Variants in PSG1 observed in about 807,000 individuals in gnomAD.
The protein encoded by PSG1 is pregnancy-specific beta-1-glycoprotein 1.
PSG1 carries 60 observed loss-of-function variants against 41.4 expected under a neutral mutation model. The ratio of observed to expected loss-of-function variants is 1.45; its 90% CI spans 1.18 to 1.80. The LOEUF (loss-of-function observed/expected upper bound fraction) is 1.80. Among genes scored for constraint, PSG1 ranks in the 40% most tolerant of loss-of-function variants. The probability of loss-of-function intolerance (pLI) is 0.00; values close to 1 mark genes in which losing one functional copy is unlikely to be tolerated. For missense variants in PSG1, 806 were observed against 516.9 expected (o/e 1.56, Z -5.42); for synonymous variants, 256 against 192.9 (o/e 1.33, Z -2.71).
At chr19:42,879,023 A>T (rs1257109978) in intron 1 of PSG1, among the ~76,000 whole-genome samples, 6 of 151,706 alleles carry the variant, frequency 4.0e-5, no homozygotes, top group Non-Finnish European at 7.4e-5. Context: ...TCAGGAAAAC[A>T]GAACACTTAA....
Position 42,871,104 on chromosome 19 carries a change from T to G in PSG1, c.709+663A>C, listed in dbSNP as rs1971363094. On this transcript the variant is annotated intron_variant, in intron 3 of 5. Coordinates refer to ENST00000436291, the MANE Select transcript of PSG1 (RefSeq NM_001184825.2). ...TATTGCCAATGCTCCAGGGATCCACTTACCAGGGACTATGATCCTCTTGAT... is the reference window on the plus strand; with the variant it reads ...TATTGCCAATGCTCCAGGGATCCACGTACCAGGGACTATGATCCTCTTGAT... Among the ~76,000 whole-genome samples, 3 of 151,780 alleles carry G rather than the reference T, an allele frequency of 2.0e-5. No homozygotes were observed. In the South Asian group the frequency reaches 6.3e-4, roughly 32 times the overall value.
chr19:42,873,820 T>A lies in PSG1; in HGVS notation c.431-1775A>T, dbSNP rs1971492119. On this transcript the variant is annotated intron_variant, in intron 2 of 5. Transcript: ENST00000436291. Reference sequence around the variant, plus strand: ...TAGAAAGAACTCCCTGCTTCTAAATTCTGTGCAGAGTTAGGAAAAATGGGG... The same window carrying A: ...TAGAAAGAACTCCCTGCTTCTAAATACTGTGCAGAGTTAGGAAAAATGGGG... Among the ~76,000 whole-genome samples, 2 of 151,644 alleles carry A rather than the reference T, an allele frequency of 1.3e-5. 1 individual carries two copies. Among genetic ancestry groups the A allele is most frequent in the South Asian group, 4.2e-4 (2 of 4,770 alleles).
intron 4 of PSG1, among the ~76,000 whole-genome samples, 199 bp downstream of exon 4, chr19:42,868,557 T>G (rs10409273): frequency 0.13 from 19,053 of 149,924 alleles, 1,595 homozygotes; most frequent in Admixed American, 0.17. Context: ...TCTCCCATGA[T>G]AAGAGCATCC....
intron 3 of PSG1, 66 bp from the exon 4 acceptor site, chr19:42,869,100 A>C (rs1971272468): frequency 1.3e-6 from 2 of 1,589,444 alleles, no homozygotes; most frequent in Non-Finnish European, 1.7e-6. Flanking sequence ...GGTATCCTTC[A>C]ATCAGAGTTG....
Position 42,879,515 on chromosome 19 carries a change from C to T in PSG1, c.64+3G>A. On this transcript the variant is annotated splice_donor_region_variant and intron_variant, in intron 1 of 5. Coordinates refer to ENST00000436291, the MANE Select transcript of PSG1 (RefSeq NM_001184825.2). ...GTCCTCTCCCAGGAAGTTCTCTCCT[C>T]ACCTGTGAGCAGGAGCCCCTTCCAT... The T allele has an allele frequency of 1.9e-6, 3 of 1,609,884 alleles. No individual in the cohort carries two copies. The highest frequency in any genetic ancestry group is 2.5e-6 in the Non-Finnish European group (3 of 1,177,632).
chr19:42,867,693 G>A (rs373765573), intron 5 of PSG1: 9 of 800,014 alleles, frequency 1.1e-5, no homozygotes, highest in Non-Finnish European at 1.8e-5. Flanking sequence ...GAAAGCAAAA[G>A]TAAATGTTTC....
chr19:42,868,154 C>T lies in PSG1; in HGVS notation c.1190G>A (p.Arg397His), dbSNP rs144665619. 7.1e-5 allele frequency: 115 copies of T among 1,612,264 alleles called. 6 individuals carry two copies. The highest frequency in any genetic ancestry group is 5.8e-4 in the African/African-American group (43 of 74,750). The change falls in exon 5 of 6, where the codon CGT becomes CAT. Residue 397 changes from arginine to histidine, a missense_variant. Physicochemically the swap from Arg to His is conservative, Grantham distance 29. Transcript: ENST00000436291. ...GCTTTCCTTGCCAGTGGCTGAGTTA[C>T]GAACAGAGCAAACATAGAGCCCGCT... ...KHSGLYVCSVRNSATGKESSK... is the reference protein window; with the variant it reads ...KHSGLYVCSVHNSATGKESSK...
rs916900260 is a variant in PSG1, at chr19:42,877,818, T to C, written c.430+95A>G. The C allele has an allele frequency of 8.7e-6, 14 of 1,601,272 alleles. 1 individual carries two copies. In the East Asian group the frequency reaches 2.9e-4, roughly 33 times the overall value. On this transcript the variant is annotated intron_variant, in intron 2 of 5. Coordinates refer to ENST00000436291, the MANE Select transcript of PSG1 (RefSeq NM_001184825.2). Reference sequence around the variant, plus strand: ...CCAGCATGGGACATAACGCAGTGAGTGACACAGGCAGAGTCCAGGCCTGAC... The same window carrying C: ...CCAGCATGGGACATAACGCAGTGAGCGACACAGGCAGAGTCCAGGCCTGAC...
At chr19:42,868,654 A>G in intron 4 of PSG1, 102 bp downstream of exon 4, 1 of 1,567,222 alleles carries the variant, frequency 6.4e-7, no homozygotes, top group Non-Finnish European at 8.6e-7. Context: ...TCCAGAAGTA[A>G]AGGTGTCTAT....
In PSG1 at chr19:42,879,700, C is replaced by T; in HGVS notation, c.-119G>A. The stretch of plus-strand genomic sequence containing the variant: ...TTCTGTGCTGAGCCTCTTCCCAGGG[C>T]AGGAGCAATTCTCAAGCTCATGGGC... On this transcript the variant is annotated 5_prime_UTR_variant, in exon 1 of 6. Coordinates refer to ENST00000436291, the MANE Select transcript of PSG1 (RefSeq NM_001184825.2). The T allele has an allele frequency of 4.1e-6, 6 of 1,449,924 alleles. No homozygotes were observed. Among genetic ancestry groups the T allele is most frequent in the Non-Finnish European group, 5.6e-6 (6 of 1,066,396 alleles). The allele number at this position is 1,449,924 out of a possible 1,614,324, so 89.8% of individuals were successfully genotyped here.
intron 2 of PSG1, among the ~76,000 whole-genome samples, chr19:42,873,055 A>G (rs1971460370): frequency 6.6e-6 from 1 of 151,750 alleles, no homozygotes; most frequent in Non-Finnish European, 1.5e-5. Context: ...AGTGAATCAG[A>G]GAGTAGAATA....
At position 42,872,142 on chromosome 19, in the gene PSG1, C is replaced by A; in HGVS notation, c.431-97G>T. The A allele has an allele frequency of 8.8e-6, 13 of 1,485,414 alleles. 1 individual carries two copies. The highest frequency in any genetic ancestry group is 1.2e-5 in the Non-Finnish European group (13 of 1,100,804). The allele number at this position is 1,485,414 out of a possible 1,614,324, so 92.0% of individuals were successfully genotyped here. A position where few individuals can be genotyped will look rare whatever the true frequency, so the allele number is the denominator to read the frequency against. Reference sequence around the variant, plus strand: ...AATTGGCATTTCCCACCTCTCAGCCCACCCAAGTCCTTAAAAGCCCATGGC... The same window carrying A: ...AATTGGCATTTCCCACCTCTCAGCCAACCCAAGTCCTTAAAAGCCCATGGC... On this transcript the variant is annotated intron_variant, in intron 2 of 5. Transcript: ENST00000436291.
chr19:42,878,114 G>C lies in PSG1; in HGVS notation c.229C>G (p.His77Asp), dbSNP rs748807921. The C allele has an allele frequency of 1.2e-6, 2 of 1,612,276 alleles. No homozygotes were observed. Among genetic ancestry groups the C allele is most frequent in the Non-Finnish European group, 1.7e-6 (2 of 1,179,154 alleles). The change falls in exon 2 of 6, where the codon CAT becomes GAT. Residue 77 changes from histidine (H) to aspartate (D), a missense_variant. Physicochemically the swap from His to Asp is moderately conservative, Grantham distance 81. Transcript: ENST00000436291. ...TCTACTACATATGATGTAATGTAAT[G>C]GTAGAGGTCCCTCATTTGCCCTTTG... ...WYKGQMRDLY[H>D]YITSYVVDGE...
In PSG1 at chr19:42,879,602, T is replaced by C. The variant is rs748127511; in HGVS notation, c.-21A>G. 10 of 1,609,268 alleles carry C rather than the reference T, an allele frequency of 6.2e-6. No individual in the cohort carries two copies. Among genetic ancestry groups the C allele is most frequent in the Middle Eastern group, 1.7e-4 (1 of 6,038 alleles). On this transcript the variant is annotated 5_prime_UTR_variant, in exon 1 of 6. Transcript: ENST00000436291. The stretch of plus-strand genomic sequence containing the variant: ...CCCATGGTCTCTGCTGCTTGTGTGT[T>C]CTCCTCTGTGGAGATAAGCCTAGGA...
Position 42,878,139 on chromosome 19 carries a change from G to A in PSG1, c.204C>T (p.Tyr68=), listed in dbSNP as rs750950299. 3 of 1,612,256 alleles carry A rather than the reference G, an allele frequency of 1.9e-6. No individual in the cohort carries two copies. Among genetic ancestry groups the A allele is most frequent in the Admixed American group, 1.7e-5 (1 of 59,842 alleles). The stretch of plus-strand genomic sequence containing the variant: ...GGTAGAGGTCCCTCATTTGCCCTTT[G>A]TACCAGATGTAGCCGGTAAGATTCT... The part of the protein sequence containing the change: ...LPQNLTGYIW[Y]KGQMRDLYHY... The change falls in exon 2 of 6, where the codon TAC becomes TAT. Residue 68 remains tyrosine, a synonymous_variant. Coordinates refer to ENST00000436291, the MANE Select transcript of PSG1 (RefSeq NM_001184825.2).
In PSG1 at chr19:42,878,995, G is replaced by C. The variant is rs1262528848; in HGVS notation, c.64+523C>G. 1.5e-4 allele frequency among the ~76,000 whole-genome samples: 22 copies of C among 151,506 alleles called. 1 individual carries two copies. Among genetic ancestry groups the C allele is most frequent in the East Asian group, 5.8e-4 (3 of 5,136 alleles). ...TATTATTATCATTTTTCAAAATATG[G>C]TGGCCCCTGATGATTAATCAGGAAA... On this transcript the variant is annotated intron_variant, in intron 1 of 5. Coordinates refer to ENST00000436291, the MANE Select transcript of PSG1 (RefSeq NM_001184825.2).
intron 1 of PSG1, among the ~76,000 whole-genome samples, chr19:42,879,244 C>T (rs1971761951): frequency 6.6e-6 from 1 of 150,554 alleles, no homozygotes; most frequent in Admixed American, 6.6e-5. Context: ...CTTCTGCCTC[C>T]CGGGTTCACG....
chr19:42,870,844 T>G (rs1971352526), intron 3 of PSG1, among the ~76,000 whole-genome samples: 1 of 151,736 alleles, frequency 6.6e-6, no homozygotes. Flanking sequence ...CTCCAAAATA[T>G]TTTATTCCTT....
At chr19:42,871,496 G>T (rs764612443) in intron 3 of PSG1, among the ~76,000 whole-genome samples, 5 of 151,730 alleles carry the variant, frequency 3.3e-5, no homozygotes, top group South Asian at 2.1e-4. Flanking sequence ...TCCCCACTGT[G>T]TTCACAGATC....
Sources: gnomAD v4.1 joint callset for allele counts (sites outside exome capture counted in the v4.1 genomes callset) on GRCh38, gnomAD v4.1.1 for gene constraint, MANE v1.5 for transcripts, NCBI Gene and HGNC (gene_info 2026-07-23, HGNC 2026-07-21) for gene names.